The following ZFYVE26 variants were observed in gnomAD, a reference collection of about 807,000 sequenced individuals.
The protein encoded by ZFYVE26 is zinc finger FYVE-type containing 26.
ZFYVE26 carries 181 observed loss-of-function variants against 276.5 expected under a neutral mutation model. The observed-to-expected ratio is 0.65, with a 90% confidence interval of 0.58 to 0.74. ZFYVE26 has a LOEUF of 0.74. Ranked by LOEUF, ZFYVE26 falls within the 30% of genes least tolerant of loss-of-function variation. The pLI is 0.00. For synonymous variants in ZFYVE26, 1,129 were observed against 1,203.1 expected (o/e 0.94, Z 1.27); for missense variants, 2,821 against 3,097.9 (o/e 0.91, Z 2.12).
At chr14:67,729,483 C>T (rs893548038) in exon 14 of ZFYVE26, 3 of 1,191,526 alleles carry the variant, frequency 2.5e-6, no homozygotes, top group Non-Finnish European at 3.7e-6. Context: ...CCTGATGATG[C>T]AATCCAGGTT....
At position 67,772,188 on chromosome 14, in the gene ZFYVE26, A is replaced by G. The variant is rs753507251; in HGVS notation, c.5343T>C (p.Pro1781=). ...GTGGGAAACTCCTTTCCCTTAGACT[A>G]GGGGAATGTATACTGGAGATACCTG... ...APPGISSIHS[P]SLRERSFPPT... Residue 1781 remains proline (P), a synonymous_variant, in exon 28 of 42, where the codon CCT becomes CCC. Coordinates refer to ENST00000347230, the MANE Select transcript of ZFYVE26 (RefSeq NM_015346.4). 6.2e-7 allele frequency: 1 copy of G among 1,613,278 alleles called. No homozygotes were observed. The highest frequency in any genetic ancestry group is 8.5e-7 in the Non-Finnish European group (1 of 1,179,760).
At chr14:67,783,608 T>C (rs1025410175) in intron 20 of ZFYVE26, 83 bp from the exon 21 acceptor site, 1 of 1,552,300 alleles carries the variant, frequency 6.4e-7, no homozygotes, top group Non-Finnish European at 8.8e-7. Flanking sequence ...TATGCTTACA[T>C]GAGCAAATGT....
intron 30 of ZFYVE26, among the ~76,000 whole-genome samples, 197 bp from the exon 31 acceptor site, chr14:67,768,037 G>A (rs1056291160): frequency 1.3e-5 from 2 of 152,200 alleles, no homozygotes; most frequent in African/African-American, 4.8e-5. Context: ...ATAGACCTGA[G>A]GCGAGTGTTA....
At chr14:67,771,326 C>T (rs1325748022) in intron 28 of ZFYVE26, among the ~76,000 whole-genome samples, 2 of 152,214 alleles carry the variant, frequency 1.3e-5, no homozygotes, top group African/African-American at 2.4e-5. Flanking sequence ...TTTATGGCTG[C>T]ATGGTATTCC....
At chr14:67,805,752 G>T in intron 6 of ZFYVE26, 134 bp from the exon 7 acceptor site, 1 of 1,055,634 alleles carries the variant, frequency 9.5e-7, no homozygotes, top group South Asian at 1.3e-5. Context: ...TGGTTGGCTG[G>T]GCGTAGTGGC....
At chr14:67,808,942 C>T (rs1423010189) in intron 4 of ZFYVE26, among the ~76,000 whole-genome samples, 3 of 152,154 alleles carry the variant, frequency 2.0e-5, no homozygotes, top group African/African-American at 7.2e-5. Context: ...TCCTTGTCCC[C>T]TTCATATTCC....
chr14:67,778,206 G>A lies in ZFYVE26; in HGVS notation c.4717C>T (p.Pro1573Ser). Reference protein sequence around the residue: ...CEEWGCLYPIPREHLISLHQK... With the variant: ...CEEWGCLYPISREHLISLHQK... Reference sequence around the variant, plus strand: ...TGAAGGCTGATTAAATGTTCTCTTGGAATGGGGTACAGGCAGCCCCACTCT... The same window carrying A: ...TGAAGGCTGATTAAATGTTCTCTTGAAATGGGGTACAGGCAGCCCCACTCT... Residue 1573 changes from proline to serine, a missense_variant, in exon 24 of 42, where the codon CCA (proline) becomes TCA (serine). Pro to Ser is a moderately conservative substitution (Grantham distance 74). Coordinates refer to ENST00000347230, the MANE Select transcript of ZFYVE26 (RefSeq NM_015346.4). The A allele has an allele frequency of 6.2e-7, 1 of 1,614,158 alleles. No individual in the cohort carries two copies. Among genetic ancestry groups the A allele is most frequent in the Non-Finnish European group, 8.5e-7 (1 of 1,180,028 alleles).
intron 26 of ZFYVE26, 122 bp downstream of exon 26, chr14:67,775,738 G>C: frequency 7.3e-7 from 1 of 1,368,062 alleles, no homozygotes; most frequent in Non-Finnish European, 1.0e-6. Context: ...TAGCTCTTCT[G>C]AAGTGTATTC....
chr14:67,770,399 G>A (rs541983376), intron 28 of ZFYVE26: 10 of 153,256 alleles, frequency 6.5e-5, no homozygotes, highest in Admixed American at 1.9e-4. Flanking sequence ...AGGAAGCAGA[G>A]GTTGCAGTGA....
downstream of ZFYVE26, among the ~76,000 whole-genome samples, chr14:67,745,905 G>A (rs1594875384): frequency 8.5e-6 from 1 of 117,274 alleles, no homozygotes; most frequent in African/African-American, 3.4e-5. Flanking sequence ...ACTCCAGCCT[G>A]GGTGACAGAG....
intron 35 of ZFYVE26, among the ~76,000 whole-genome samples, chr14:67,760,015 A>T (rs1485360638): frequency 6.6e-6 from 1 of 152,160 alleles, no homozygotes; most frequent in Non-Finnish European, 1.5e-5. Flanking sequence ...TTTCAGTTCA[A>T]GGGTAACTAT....
At position 67,786,189 on chromosome 14, in the gene ZFYVE26, C is replaced by G. The variant is rs2039651283; in HGVS notation, c.3064G>C (p.Gly1022Arg). 1.2e-6 allele frequency: 2 copies of G among 1,607,502 alleles called. No individual in the cohort carries two copies. Among genetic ancestry groups the G allele is most frequent in the Non-Finnish European group, 1.7e-6 (2 of 1,178,560 alleles). Reference sequence around the variant, plus strand: ...ATTTGCTGAAGAACAACTGGAAAACCTCGAATGCCATCAGCATTTAGGAGT... The same window carrying G: ...ATTTGCTGAAGAACAACTGGAAAACGTCGAATGCCATCAGCATTTAGGAGT... ...HVLLNADGIR[G>R]FPVVLQQISK... The change falls in exon 17 of 42, where the codon GGT becomes CGT. Residue 1022 changes from glycine (G) to arginine (R), a missense_variant. Gly to Arg is a moderately radical substitution (Grantham distance 125, BLOSUM62 -2). Transcript: ENST00000347230.
downstream of ZFYVE26, among the ~76,000 whole-genome samples, chr14:67,743,652 T>C (rs1423742923): frequency 1.3e-5 from 2 of 152,210 alleles, no homozygotes; most frequent in Admixed American, 6.5e-5. Flanking sequence ...TTTAGGTGCA[T>C]GTCAGCCTTG....
chr14:67,776,164 C>A, intron 25 of ZFYVE26, 58 bp from the exon 26 acceptor site: 1 of 1,610,816 alleles, frequency 6.2e-7, no homozygotes, highest in Non-Finnish European at 8.5e-7. Flanking sequence ...TCAGAAAAAA[C>A]TCAAGATTCT....
rs2039496415 is a variant in ZFYVE26 at position 67,781,420 on chromosome 14, C to G, written c.4482G>C (p.Leu1494=). 6 of 1,614,152 alleles carry G rather than the reference C, an allele frequency of 3.7e-6. No individual in the cohort carries two copies. Among genetic ancestry groups the G allele is most frequent in the Non-Finnish European group, 5.1e-6 (6 of 1,180,028 alleles). ...RWPLESCLEI[L]AYCISDTAVQ... ...CAGCCGTGTCTGAAATGCAGTAGGC[C>G]AGAATCTCCAGGCATGACTCCAGGG... Residue 1494 remains leucine (L), a synonymous_variant, in exon 22 of 42, where the codon CTG becomes CTC. Transcript: ENST00000347230.
chr14:67,799,059 A>G (rs2040026015), intron 10 of ZFYVE26: 1 of 1,187,838 alleles, frequency 8.4e-7, no homozygotes, highest in Non-Finnish European at 1.3e-6. Flanking sequence ...AGAGCAGTGT[A>G]CGATGAGCAG....
At position 67,804,270 on chromosome 14, in the gene ZFYVE26, T is replaced by C; in HGVS notation, c.1272-6A>G. 6.2e-7 allele frequency: 1 copy of C among 1,614,172 alleles called. No individual in the cohort carries two copies. The highest frequency in any genetic ancestry group is 8.5e-7 in the Non-Finnish European group (1 of 1,180,028). On this transcript the variant is annotated splice_region_variant and splice_polypyrimidine_tract_variant and intron_variant, in intron 8 of 41. Transcript: ENST00000347230. ...CTCTCTTTGGTATGGGGTTGCTGAATGGAAAAGTTGGGAGGATGGAAGAGA... is the reference window on the plus strand; with the variant it reads ...CTCTCTTTGGTATGGGGTTGCTGAACGGAAAAGTTGGGAGGATGGAAGAGA...
chr14:67,798,826 T>G (rs1021632473), intron 10 of ZFYVE26, among the ~76,000 whole-genome samples: 7 of 152,260 alleles, frequency 4.6e-5, no homozygotes, highest in African/African-American at 1.7e-4. Context: ...TTTTGCCATT[T>G]TAAAAGTACA....
At chr14:67,799,546 A>C (rs779935450) in intron 10 of ZFYVE26, 32 of 1,543,030 alleles carry the variant, frequency 2.1e-5, no homozygotes, top group Non-Finnish European at 2.7e-5. Context: ...AGATGGAAGC[A>C]AAGTACTGCA....
Sources: gnomAD v4.1 joint callset for allele counts (sites outside exome capture counted in the v4.1 genomes callset) on GRCh38, gnomAD v4.1.1 for gene constraint, MANE v1.5 for transcripts, NCBI Gene and HGNC (gene_info 2026-07-23, HGNC 2026-07-21) for gene names.